Variants in TENM3 observed in about 807,000 individuals in gnomAD.
TENM3 encodes the protein teneurin-3.
In TENM3, 63 loss-of-function variants were observed where a neutral mutation model predicts 255.1. The ratio of observed to expected loss-of-function variants is 0.25; its 90% CI spans 0.20 to 0.30. The LOEUF (loss-of-function observed/expected upper bound fraction) is 0.30, where lower values mean the gene tolerates loss of function less well. TENM3 is among the 10% of genes least tolerant of loss of function. TENM3 has a pLI of 1.00. For synonymous variants in TENM3, 1,306 were observed against 1,322.3 expected (o/e 0.99, Z 0.27); for missense variants, 2,929 against 3,461.1 (o/e 0.85, Z 3.86).
chr4:182,129,230 A>G, the TENM3 span, among the ~76,000 whole-genome samples: 1 of 152,240 alleles, frequency 6.6e-6, no homozygotes, highest in Admixed American at 6.5e-5. Context: ...TGTGTTAAGT[A>G]TAAATGATTT....
intron 2 of TENM3, among the ~76,000 whole-genome samples, chr4:182,332,460 AG>A (rs1442068560): frequency 2.0e-5 from 3 of 152,152 alleles, no homozygotes; most frequent in Admixed American, 1.3e-4. Context: ...TGGGAGGCCG[AG>A]GCGGGCAGAT....
chr4:182,108,413 G>A, the TENM3 span, among the ~76,000 whole-genome samples: 1 of 152,138 alleles, frequency 6.6e-6, no homozygotes, highest in Admixed American at 6.5e-5. Flanking sequence ...ACTGAATGAG[G>A]AATACTGTTT....
At chr4:182,013,488 C>T in the TENM3 span, among the ~76,000 whole-genome samples, 1 of 152,194 alleles carries the variant, frequency 6.6e-6, no homozygotes, top group Non-Finnish European at 1.5e-5. Flanking sequence ...GAACACTTGT[C>T]CTGATTCCAA....
At chr4:182,540,584 C>CA (rs913612967) in intron 3 of TENM3, among the ~76,000 whole-genome samples, 10 of 145,166 alleles carry the variant, frequency 6.9e-5, no homozygotes, top group Admixed American at 1.4e-4. Flanking sequence ...AACTCCATTT[C>CA]AAAAAAAAAA....
At chr4:181,751,647 G>C in the TENM3 span, among the ~76,000 whole-genome samples, 3 of 152,068 alleles carry the variant, frequency 2.0e-5, no homozygotes, top group Non-Finnish European at 4.4e-5. Context: ...TAGGGTAGCG[G>C]GCATGAGCAC....
At chr4:182,770,196 C>T (rs950604842) in intron 22 of TENM3, among the ~76,000 whole-genome samples, 8 of 151,468 alleles carry the variant, frequency 5.3e-5, no homozygotes, top group South Asian at 2.1e-4. Flanking sequence ...CCTTATGAAA[C>T]GATGGGAGTA....
At chr4:182,065,035 CT>C in the TENM3 span, among the ~76,000 whole-genome samples, 120,803 of 130,070 alleles carry the variant, frequency 0.93, 56,479 homozygotes, top group South Asian at 0.99. Flanking sequence ...TAATTTCTTT[CT>C]TTTTTTTTTT....
chr4:182,091,177 G>C, the TENM3 span, among the ~76,000 whole-genome samples: 8 of 152,312 alleles, frequency 5.3e-5, no homozygotes, highest in South Asian at 4.1e-4. Flanking sequence ...TCCGCCCTTA[G>C]AGCCAACAGG....
intron 1 of TENM3, among the ~76,000 whole-genome samples, chr4:182,280,012 A>C (rs963289890): frequency 3.3e-5 from 5 of 152,212 alleles, no homozygotes; most frequent in Non-Finnish European, 5.9e-5. Context: ...CTCCATGGCC[A>C]GATAATGGAG....
At chr4:182,510,124 G>C (rs1052772745) in intron 3 of TENM3, among the ~76,000 whole-genome samples, 3 of 152,112 alleles carry the variant, frequency 2.0e-5, no homozygotes, top group Non-Finnish European at 4.4e-5. Flanking sequence ...CCAAGTTTTA[G>C]CCTCCAGTTT....
chr4:181,974,585 A>C, the TENM3 span, among the ~76,000 whole-genome samples: 1 of 152,076 alleles, frequency 6.6e-6, no homozygotes, highest in East Asian at 1.9e-4. Context: ...CAAACAAAAA[A>C]AGAATCAATG....
chr4:181,738,450 G>A, the TENM3 span, among the ~76,000 whole-genome samples: 5 of 152,192 alleles, frequency 3.3e-5, no homozygotes, highest in South Asian at 6.2e-4. Context: ...TTTATTTTGT[G>A]CTTGTTGTTT....
chr4:181,517,105 A>G, the TENM3 span, among the ~76,000 whole-genome samples: 157 of 152,196 alleles, frequency 1.0e-3, no homozygotes, highest in African/African-American at 3.7e-3. Flanking sequence ...AAAGAGTGAC[A>G]ATTATATCCT....
chr4:182,524,544 A>G (rs1738944291), intron 3 of TENM3, among the ~76,000 whole-genome samples: 1 of 151,318 alleles, frequency 6.6e-6, no homozygotes, highest in Non-Finnish European at 1.5e-5. Context: ...ATTTTTTTGT[A>G]GAGGCAGAGT....
chr4:181,595,453 A>AACAGAAAAAAT, the TENM3 span, among the ~76,000 whole-genome samples: 1 of 144,688 alleles, frequency 6.9e-6, no homozygotes, highest in Admixed American at 6.7e-5. Context: ...AAAAAAAAAA[A>AACAGAAAAAAT]ACAAGCAAGA....
At chr4:181,575,700 G>A in the TENM3 span, among the ~76,000 whole-genome samples, 5 of 152,132 alleles carry the variant, frequency 3.3e-5, no homozygotes, top group African/African-American at 1.2e-4. Flanking sequence ...CACTTAATTT[G>A]ATGGCTGAGC....
the TENM3 span, among the ~76,000 whole-genome samples, chr4:182,138,636 G>C: frequency 6.6e-6 from 1 of 152,150 alleles, no homozygotes; most frequent in Non-Finnish European, 1.5e-5. Context: ...AAAATCCAAA[G>C]GGAATTTGGA....
At chr4:182,206,870 C>G (rs746959673) in intron 1 of TENM3, among the ~76,000 whole-genome samples, 33 of 152,088 alleles carry the variant, frequency 2.2e-4, no homozygotes, top group Non-Finnish European at 2.5e-4. Flanking sequence ...TCAAAATTCC[C>G]GTTCTTTCTT....
At chr4:182,106,095 G>A in the TENM3 span, among the ~76,000 whole-genome samples, 1 of 152,164 alleles carries the variant, frequency 6.6e-6, no homozygotes, top group Non-Finnish European at 1.5e-5. Flanking sequence ...GCTAGCCCAA[G>A]CCTCCCCTCC....
Sources: gnomAD v4.1 joint callset for allele counts (sites outside exome capture counted in the v4.1 genomes callset) on GRCh38, gnomAD v4.1.1 for gene constraint, MANE v1.5 for transcripts, NCBI Gene and HGNC (gene_info 2026-07-23, HGNC 2026-07-21) for gene names.